Variants in SLAMF6 observed in about 807,000 individuals in gnomAD.
The protein encoded by SLAMF6 is NK-T-B-antigen.
SLAMF6 carries 21 observed loss-of-function variants against 38.3 expected under a neutral mutation model. The ratio of observed to expected loss-of-function variants is 0.55; its 90% CI spans 0.39 to 0.79. The LOEUF (loss-of-function observed/expected upper bound fraction) is 0.79, where lower values mean the gene tolerates loss of function less well. Among genes scored for constraint, SLAMF6 ranks in the 30% least tolerant of loss-of-function variants. SLAMF6 has a pLI of 0.00. For synonymous variants in SLAMF6, 152 were observed against 146.3 expected, an observed-to-expected ratio of 1.04 and a Z score of -0.28; for missense variants, 341 against 385.3, an observed-to-expected ratio of 0.89 and a Z score of 0.96.
intron 1 of SLAMF6, among the ~76,000 whole-genome samples, chr1:160,499,476 T>C (rs114291439): frequency 0.037 from 5,576 of 152,314 alleles, 142 homozygotes; most frequent in Non-Finnish European, 0.054. Context: ...ATGGTATGGT[T>C]CAAAGTCAGA....
intron 1 of SLAMF6, among the ~76,000 whole-genome samples, chr1:160,521,284 T>G (rs116176885): frequency 6.6e-6 from 1 of 152,166 alleles, no homozygotes; most frequent in African/African-American, 2.4e-5. Context: ...CTATACCCAT[T>G]TCCCCCATAA....
rs141526182 is a variant in SLAMF6, at chr1:160,512,747, CA to C, written c.49+10396del. Among the ~76,000 whole-genome samples, 1,404 of 152,208 alleles carry C rather than the reference CA, an allele frequency of 9.2e-3. 29 individuals carry two copies. The highest frequency in any genetic ancestry group is 0.032 in the African/African-American group (1,338 of 41,502). On this transcript the variant is annotated intron_variant, in intron 1 of 7. Transcript: ENST00000368057. Reference sequence around the variant, plus strand: ...GTGAATAGGATCTGGAGTGGGCCCCCAGCAAACTGCAGCAGTCTTGCAAAAG... The same window carrying C: ...GTGAATAGGATCTGGAGTGGGCCCCCGCAAACTGCAGCAGTCTTGCAAAAG...
At chr1:160,490,729 AG>A in intron 3 of SLAMF6, 44 bp from the exon 4 acceptor site, 7 of 1,602,468 alleles carry the variant, frequency 4.4e-6, no homozygotes, top group Non-Finnish European at 6.0e-6. Context: ...ACATCAAGTG[AG>A]GCCCACTGTT....
intron 1 of SLAMF6, among the ~76,000 whole-genome samples, chr1:160,501,017 A>G (rs1385009895): frequency 6.6e-6 from 1 of 152,248 alleles, no homozygotes; most frequent in Non-Finnish European, 1.5e-5. Context: ...GCAGAGTGGT[A>G]GCCTGTCTAG....
intron 3 of SLAMF6, 75 bp from the exon 4 acceptor site, chr1:160,490,760 C>T: frequency 6.4e-7 from 1 of 1,551,866 alleles, no homozygotes; most frequent in Non-Finnish European, 8.7e-7. Flanking sequence ...TCCGTGGAGC[C>T]TCTTCTAGGC....
At chr1:160,492,539 T>C (rs1653359084) in intron 2 of SLAMF6, among the ~76,000 whole-genome samples, 1 of 152,136 alleles carries the variant, frequency 6.6e-6, no homozygotes, top group Admixed American at 6.5e-5. Flanking sequence ...ATGGCAAATA[T>C]TTGGCATGAA....
At chr1:160,497,600 A>C (rs1653657136) in intron 1 of SLAMF6, among the ~76,000 whole-genome samples, 1 of 152,120 alleles carries the variant, frequency 6.6e-6, no homozygotes, top group Non-Finnish European at 1.5e-5. Flanking sequence ...CATAATAACT[A>C]ATAGGTAGTT....
At position 160,487,145 on chromosome 1, in the gene SLAMF6, C is replaced by A. The variant is rs200690969; in HGVS notation, c.910G>T (p.Asp304Tyr). 2 of 1,613,326 alleles carry A rather than the reference C, an allele frequency of 1.2e-6. No individual in the cohort carries two copies. Among genetic ancestry groups the A allele is most frequent in the Non-Finnish European group, 1.7e-6 (2 of 1,179,788 alleles). ...ETEIWTPREN[D>Y]TITIYSTINH... ...ATTGTGGAGTAAATTGTGATAGTAT[C>A]ATTTTCTCTAGGTGTCCAGATTTCT... Residue 304 changes from aspartate (D) to tyrosine (Y), a missense_variant, in exon 7 of 8, where the codon GAT (aspartate) becomes TAT (tyrosine). Coordinates refer to ENST00000368057, the MANE Select transcript of SLAMF6 (RefSeq NM_001184714.2).
intron 1 of SLAMF6, among the ~76,000 whole-genome samples, chr1:160,507,353 C>T (rs768021927): frequency 3.9e-5 from 6 of 151,982 alleles, no homozygotes; most frequent in Non-Finnish European, 8.8e-5. Flanking sequence ...CAATTATAAA[C>T]ACATATGCAC....
chr1:160,506,411 T>C (rs959859856), intron 1 of SLAMF6, among the ~76,000 whole-genome samples: 2 of 152,138 alleles, frequency 1.3e-5, no homozygotes, highest in African/African-American at 4.8e-5. Context: ...CCAAGAATTC[T>C]ACATCTGAAA....
intron 1 of SLAMF6, among the ~76,000 whole-genome samples, chr1:160,502,961 G>A (rs1359312277): frequency 2.6e-5 from 4 of 152,182 alleles, no homozygotes; most frequent in Non-Finnish European, 1.5e-5. Flanking sequence ...GCAAAGGGAA[G>A]CAGCTGGGAG....
At chr1:160,520,024 C>G (rs191722257) in intron 1 of SLAMF6, among the ~76,000 whole-genome samples, 19 of 152,194 alleles carry the variant, frequency 1.2e-4, no homozygotes, top group Admixed American at 7.2e-4. Context: ...GCATGAACAC[C>G]TGGAGGTCAC....
intron 1 of SLAMF6, among the ~76,000 whole-genome samples, chr1:160,506,838 C>T (rs1466027893): frequency 6.6e-6 from 1 of 152,076 alleles, no homozygotes; most frequent in African/African-American, 2.4e-5. Context: ...TTCAAAATAG[C>T]TTGTTATAAG....
intron 1 of SLAMF6, among the ~76,000 whole-genome samples, chr1:160,502,946 T>C (rs907611820): frequency 3.9e-5 from 6 of 152,002 alleles, no homozygotes; most frequent in African/African-American, 9.7e-5. Flanking sequence ...CTGAGCAAAT[T>C]TGGAGCAAAG....
intron 1 of SLAMF6, among the ~76,000 whole-genome samples, chr1:160,515,981 A>G (rs950529347): frequency 1.3e-5 from 2 of 152,220 alleles, no homozygotes; most frequent in Non-Finnish European, 2.9e-5. Context: ...CCTATTCAGC[A>G]TAGTATTAGA....
intron 1 of SLAMF6, among the ~76,000 whole-genome samples, chr1:160,496,625 G>A (rs1369307642): frequency 1.3e-5 from 2 of 152,148 alleles, no homozygotes; most frequent in Admixed American, 6.6e-5. Flanking sequence ...TAGTCTAGAT[G>A]AAACCGGCCC....
intron 5 of SLAMF6, among the ~76,000 whole-genome samples, chr1:160,489,590 G>C (rs1653165827): frequency 6.6e-6 from 1 of 152,124 alleles, no homozygotes; most frequent in Admixed American, 6.5e-5. Flanking sequence ...TGGAGATGAG[G>C]AACTGGAGGC....
At chr1:160,491,668 G>A (rs925802947) in intron 2 of SLAMF6, among the ~76,000 whole-genome samples, 1 of 152,110 alleles carries the variant, frequency 6.6e-6, no homozygotes, top group African/African-American at 2.4e-5. Context: ...TTTTGGGGTG[G>A]TTATTTTATA....
chr1:160,513,015 G>A (rs1654569255), intron 1 of SLAMF6, among the ~76,000 whole-genome samples: 1 of 152,158 alleles, frequency 6.6e-6, no homozygotes, highest in Admixed American at 6.5e-5. Context: ...AGGCTGAGAA[G>A]GATGAACTGA....
Sources: allele counts gnomAD v4.1 joint callset (sites outside exome capture counted in the v4.1 genomes callset), GRCh38; gene constraint gnomAD v4.1.1; transcripts MANE v1.5; gene names NCBI Gene and HGNC (gene_info 2026-07-23, HGNC 2026-07-21).